Variants in TRAF2 observed in about 807,000 individuals in gnomAD.
TRAF2 encodes TNF receptor associated factor 2.
TRAF2 carries 6 observed loss-of-function variants against 55.6 expected under a neutral mutation model. That is an observed-to-expected ratio of 0.11 (90% CI 0.06 to 0.21). TRAF2 has a LOEUF of 0.21. Among genes scored for constraint, TRAF2 ranks in the 10% least tolerant of loss-of-function variants. The pLI is 1.00. For synonymous variants in TRAF2, 329 were observed against 276.3 expected, an observed-to-expected ratio of 1.19 and a Z score of -1.89; for missense variants, 561 against 684.5, an observed-to-expected ratio of 0.82 and a Z score of 2.01.
intron 7 of TRAF2, among the ~76,000 whole-genome samples, chr9:136,918,762 G>GTCT (rs1324146770): frequency 6.6e-6 from 1 of 152,090 alleles, no homozygotes; most frequent in East Asian, 1.9e-4. Context: ...TTGAGACAGA[G>GTCT]TCTTGCTCTG....
chr9:136,903,690 G>GTTTT (rs981128294), intron 4 of TRAF2, among the ~76,000 whole-genome samples: 26 of 151,864 alleles, frequency 1.7e-4, no homozygotes, highest in Non-Finnish European at 3.1e-4. Flanking sequence ...TTGTTTGTTT[G>GTTTT]TTGTTTTTTG....
intron 1 of TRAF2, among the ~76,000 whole-genome samples, chr9:136,887,637 C>T (rs1336812128): frequency 2.6e-5 from 4 of 152,046 alleles, no homozygotes; most frequent in South Asian, 2.1e-4. Flanking sequence ...TTTGAAGGGA[C>T]GGAATTACTG....
intron 5 of TRAF2, among the ~76,000 whole-genome samples, chr9:136,909,706 G>A (rs1224948607): frequency 6.6e-6 from 1 of 152,202 alleles, no homozygotes; most frequent in Non-Finnish European, 1.5e-5. Context: ...GCATTGCCCT[G>A]AGCTGGCAGA....
chr9:136,903,005 TGTC>T (rs1849857399), intron 4 of TRAF2, among the ~76,000 whole-genome samples: 1 of 152,078 alleles, frequency 6.6e-6, no homozygotes, highest in South Asian at 2.1e-4. Flanking sequence ...CTTGCTCTGT[TGTC>T]CAGGCTAGAG....
intron 1 of TRAF2, among the ~76,000 whole-genome samples, chr9:136,887,021 C>T (rs1332609228): frequency 6.6e-6 from 1 of 152,200 alleles, no homozygotes; most frequent in East Asian, 1.9e-4. Context: ...CCTGAGTTTG[C>T]CAGCGCCCCC....
Position 136,898,771 on chromosome 9 carries a change from T to C in TRAF2, c.31T>C (p.Ser11Pro). The C allele has an allele frequency of 6.2e-7, 1 of 1,613,674 alleles. No individual in the cohort carries two copies. Among genetic ancestry groups the C allele is most frequent in the Non-Finnish European group, 8.5e-7 (1 of 1,180,026 alleles). The change falls in exon 2 of 11, where the codon TCC becomes CCC. Residue 11 changes from serine to proline, a missense_variant. Ser to Pro is a moderately conservative substitution (Grantham distance 74). Coordinates refer to ENST00000247668, the MANE Select transcript of TRAF2 (RefSeq NM_021138.4). Reference sequence around the variant, plus strand: ...TGCAGCTAGCGTGACCCCCCCTGGCTCCCTGGAGTTGCTACAGCCCGGCTT... The same window carrying C: ...TGCAGCTAGCGTGACCCCCCCTGGCCCCCTGGAGTTGCTACAGCCCGGCTT... MAAASVTPPG[S>P]LELLQPGFSK...
At chr9:136,925,257 A>G (rs1850500756) in intron 10 of TRAF2, among the ~76,000 whole-genome samples, 1 of 152,172 alleles carries the variant, frequency 6.6e-6, no homozygotes, top group Non-Finnish European at 1.5e-5. Flanking sequence ...CACAGTCCTG[A>G]CAGAGGCAGA....
chr9:136,882,356 C>T, upstream of TRAF2, among the ~76,000 whole-genome samples: 1 of 152,222 alleles, frequency 6.6e-6, no homozygotes, highest in East Asian at 1.9e-4. Flanking sequence ...TCTGCAGGCC[C>T]AGTAGGTAGC....
At position 136,925,028 on chromosome 9, in the gene TRAF2, T is replaced by C. The variant is rs182259899; in HGVS notation, c.1288-655T>C. The stretch of plus-strand genomic sequence containing the variant: ...CTGGGATTGTAGGCGTGAGCCACTG[T>C]GCCTGGCCTATTTTGAAAATCAGAA... On this transcript the variant is annotated intron_variant, in intron 10 of 10. Transcript: ENST00000247668. 2.0e-3 allele frequency among the ~76,000 whole-genome samples: 304 copies of C among 152,364 alleles called. 2 individuals carry two copies. The highest frequency in any genetic ancestry group is 5.3e-3 in the African/African-American group (220 of 41,588).
chr9:136,918,313 A>G (rs1850296904), intron 7 of TRAF2, among the ~76,000 whole-genome samples: 2 of 149,704 alleles, frequency 1.3e-5, no homozygotes, highest in Non-Finnish European at 3.0e-5. Flanking sequence ...TTTGTCGCCC[A>G]GGCTGGAGTG....
At chr9:136,908,629 G>A (rs1027461347) in intron 5 of TRAF2, among the ~76,000 whole-genome samples, 9 of 152,298 alleles carry the variant, frequency 5.9e-5, no homozygotes, top group Admixed American at 5.2e-4. Flanking sequence ...CACTTTGGGA[G>A]GCCGAGGCGG....
chr9:136,923,802 C>G, intron 9 of TRAF2, 50 bp from the exon 10 acceptor site: 1 of 1,596,082 alleles, frequency 6.3e-7, no homozygotes. Flanking sequence ...AGAGCCCTGC[C>G]CCGCCCTTGC....
intron 3 of TRAF2, 105 bp downstream of exon 3, chr9:136,899,777 C>A (rs551738886): frequency 4.5e-6 from 5 of 1,113,632 alleles, no homozygotes; most frequent in Non-Finnish European, 5.1e-6. Flanking sequence ...GTAATCCCAG[C>A]ACTTTGGGAG....
rs187051753 is a variant in TRAF2, at chr9:136,894,594, C to T, written c.-28-4119C>T. Among the ~76,000 whole-genome samples, 23 of 151,838 alleles carry T rather than the reference C, an allele frequency of 1.5e-4. No homozygotes were observed. In the East Asian group the frequency reaches 3.7e-3, roughly 24 times the overall value. On this transcript the variant is annotated intron_variant, in intron 1 of 10. Coordinates refer to ENST00000247668, the MANE Select transcript of TRAF2 (RefSeq NM_021138.4). ...AGGAGAGCAGGGGGATTGGGGGCAT[C>T]ATGAGGATGGAGGGGGACAAGGCCA...
upstream of TRAF2, chr9:136,882,829 TCA>T (rs1395685153): frequency 2.9e-5 from 23 of 783,144 alleles, no homozygotes; most frequent in Non-Finnish European, 3.6e-5. Flanking sequence ...CCTCTGCCTC[TCA>T]GTCAGGCTGG....
Position 136,908,151 on chromosome 9 carries a change from C to G in TRAF2, c.448C>G (p.Arg150Gly). 2 of 1,604,340 alleles carry G rather than the reference C, an allele frequency of 1.2e-6. No individual in the cohort carries two copies. Among genetic ancestry groups the G allele is most frequent in the Non-Finnish European group, 1.7e-6 (2 of 1,179,914 alleles). ...KGLVRLGEKERHLEHECPERS... is the reference protein window; with the variant it reads ...KGLVRLGEKEGHLEHECPERS... ...CCTGGTCCGCCTTGGTGAAAAGGAG[C>G]GCCACCTGGAGCACGAGTGCCCGGA... Residue 150 changes from arginine to glycine, a missense_variant, in exon 5 of 11, where the codon CGC (arginine) becomes GGC (glycine). Arg to Gly is a moderately radical substitution (Grantham distance 125). Around this residue, in one of 2 missense-constraint regions of TRAF2, gnomAD observed 426 missense variants for 476.8 expected, o/e 0.89. Transcript: ENST00000247668.
intron 6 of TRAF2, among the ~76,000 whole-genome samples, chr9:136,914,413 A>C (rs1204669435): frequency 2.6e-5 from 4 of 152,182 alleles, no homozygotes; most frequent in African/African-American, 9.7e-5. Context: ...GATGAGAGAG[A>C]GCACATTAGA....
rs777731984 is a variant in TRAF2 at position 136,900,534 on chromosome 9, C to T, written c.366+14C>T. 2.7e-5 allele frequency: 44 copies of T among 1,606,266 alleles called. No individual in the cohort carries two copies. Among genetic ancestry groups the T allele is most frequent in the South Asian group, 5.5e-5 (5 of 90,860 alleles). ...AAAGAATACGAGGTAAAGATGCCTG[C>T]GTGTGGCATGGTGACAGAAGCTCCA... is the stretch of plus-strand genomic sequence containing the variant. On this transcript the variant is annotated intron_variant, in intron 4 of 10. Transcript: ENST00000247668.
At chr9:136,919,954 A>G (rs868471402) in intron 7 of TRAF2, among the ~76,000 whole-genome samples, 3 of 152,120 alleles carry the variant, frequency 2.0e-5, no homozygotes, top group African/African-American at 7.2e-5. Flanking sequence ...CTGGGCCCAA[A>G]TGATCCTCCC....
Sources: gnomAD v4.1 joint callset for allele counts (sites outside exome capture counted in the v4.1 genomes callset) on GRCh38, gnomAD v4.1.1 for gene constraint, gnomAD v4.1.1 regional missense constraint, MANE v1.5 for transcripts, NCBI Gene and HGNC (gene_info 2026-07-23, HGNC 2026-07-21) for gene names.